LYRM1: variants seen among roughly 807,000 people sequenced by gnomAD.
The protein encoded by LYRM1 is LYR motif containing 1.
In LYRM1, 14 loss-of-function variants were observed where a neutral mutation model predicts 14.9. The ratio of observed to expected loss-of-function variants is 0.94; its 90% CI spans 0.62 to 1.47. The LOEUF is 1.47. Among genes scored for constraint, LYRM1 ranks in the 40% most tolerant of loss-of-function variants. LYRM1 has a pLI of 0.00. For missense variants in LYRM1, 153 were observed against 149.9 expected (o/e 1.02, Z -0.11); for synonymous variants, 43 against 56.2 (o/e 0.77, Z 1.05).
rs1049669631 is a variant in LYRM1, at chr16:20,924,463, A to G, written c.*347A>G. On this transcript the variant is annotated 3_prime_UTR_variant, in exon 4 of 4. Coordinates refer to ENST00000567954, the MANE Select transcript of LYRM1 (RefSeq NM_001128302.3). ...GCTGATGCAAAGAAATTTGCCAGTC[A>G]CTGGAAGTTACTGTGGCTACTATAA... The G allele has an allele frequency of 5.8e-6, 1 of 170,990 alleles. No homozygotes were observed. Among genetic ancestry groups the G allele is most frequent in the Non-Finnish European group, 1.3e-5 (1 of 79,738 alleles). 10.6% of individuals were successfully genotyped at this position (170,990 alleles called of 1,614,324 possible).
intron 3 of LYRM1, 45 bp downstream of exon 3, chr16:20,920,259 C>A: frequency 7.3e-7 from 1 of 1,363,538 alleles, no homozygotes; most frequent in Non-Finnish European, 1.1e-6. Flanking sequence ...TTACCCTCAT[C>A]AACCTGGTTA....
intron 1 of LYRM1, chr16:20,902,522 G>A (rs1392390775): frequency 6.6e-6 from 1 of 152,182 alleles, no homozygotes; most frequent in Non-Finnish European, 1.5e-5. Flanking sequence ...CAAAGGAGAC[G>A]ACACAGACAA....
chr16:20,918,251 C>T (rs1335217058), intron 2 of LYRM1, among the ~76,000 whole-genome samples: 2 of 152,162 alleles, frequency 1.3e-5, no homozygotes, highest in Non-Finnish European at 2.9e-5. Flanking sequence ...CACCTGAAGA[C>T]TACTCAAGAG....
At chr16:20,919,479 C>T (rs755835204) in intron 2 of LYRM1, among the ~76,000 whole-genome samples, 1 of 152,168 alleles carries the variant, frequency 6.6e-6, no homozygotes, top group African/African-American at 2.4e-5. Flanking sequence ...TGCCTTTGTC[C>T]TAGCAGTCCT....
At chr16:20,902,357 A>G (rs1029387684) in intron 1 of LYRM1, 6 of 152,270 alleles carry the variant, frequency 3.9e-5, no homozygotes, top group African/African-American at 1.4e-4. Flanking sequence ...AGTTAGATAT[A>G]CAAGTCGGGG....
intron 1 of LYRM1, among the ~76,000 whole-genome samples, chr16:20,913,356 A>G (rs1028291950): frequency 6.9e-6 from 1 of 144,674 alleles, no homozygotes; most frequent in Non-Finnish European, 1.5e-5. Flanking sequence ...ACTGTTGCCC[A>G]GGCTGGAATA....
At chr16:20,918,361 G>C (rs1291315048) in intron 2 of LYRM1, among the ~76,000 whole-genome samples, 1 of 152,176 alleles carries the variant, frequency 6.6e-6, no homozygotes, top group Non-Finnish European at 1.5e-5. Context: ...GATGGTACAT[G>C]AGATTATTTG....
chr16:20,917,710 A>G (rs975614785), intron 2 of LYRM1, among the ~76,000 whole-genome samples: 1 of 152,168 alleles, frequency 6.6e-6, no homozygotes, highest in Non-Finnish European at 1.5e-5. Flanking sequence ...GTGAGCCAAG[A>G]TCATGCCACT....
intron 2 of LYRM1, among the ~76,000 whole-genome samples, chr16:20,919,335 G>C (rs2083068385): frequency 2.0e-5 from 3 of 152,064 alleles, no homozygotes; most frequent in Admixed American, 2.0e-4. Context: ...TCAACATGAG[G>C]GGGGTGTGAA....
At chr16:20,906,369 G>T (rs2082320871) in intron 1 of LYRM1, among the ~76,000 whole-genome samples, 1 of 152,212 alleles carries the variant, frequency 6.6e-6, no homozygotes, top group Non-Finnish European at 1.5e-5. Flanking sequence ...AGAAGACCAT[G>T]ATCTCATTTG....
intron 1 of LYRM1, among the ~76,000 whole-genome samples, chr16:20,911,431 T>C (rs2082586768): frequency 6.6e-6 from 1 of 152,302 alleles, no homozygotes; most frequent in Non-Finnish European, 1.5e-5. Context: ...CCACCTCTTA[T>C]GCCTTTCCCT....
intron 1 of LYRM1, among the ~76,000 whole-genome samples, chr16:20,907,395 C>T (rs2082376756): frequency 6.6e-6 from 1 of 152,140 alleles, no homozygotes; most frequent in East Asian, 1.9e-4. Flanking sequence ...GAGTCTGACT[C>T]TGTTGCCCAG....
At chr16:20,919,250 A>C (rs1187109855) in intron 2 of LYRM1, among the ~76,000 whole-genome samples, 1 of 152,152 alleles carries the variant, frequency 6.6e-6, no homozygotes, top group East Asian at 1.9e-4. Flanking sequence ...AGAGGTGTAG[A>C]TCATTCTCCA....
intron 2 of LYRM1, among the ~76,000 whole-genome samples, chr16:20,918,209 G>C (rs1041948398): frequency 2.0e-5 from 3 of 152,144 alleles, no homozygotes; most frequent in Non-Finnish European, 4.4e-5. Context: ...GGATATCATA[G>C]TACATGCCCA....
In LYRM1 at chr16:20,920,217, A is replaced by G. The variant is rs370153707; in HGVS notation, c.252+3A>G. Reference sequence around the variant, plus strand: ...ACAAGATTCCTTACCCAAGGCCAGTAAGTGTGACTCCGGTTAACAAGTGCT... The same window carrying G: ...ACAAGATTCCTTACCCAAGGCCAGTGAGTGTGACTCCGGTTAACAAGTGCT... On this transcript the variant is annotated splice_donor_region_variant and intron_variant, in intron 3 of 3. Transcript: ENST00000567954. 168 of 1,605,912 alleles carry G rather than the reference A, an allele frequency of 1.0e-4. No homozygotes were observed. Among genetic ancestry groups the G allele is most frequent in the Middle Eastern group, 3.3e-4 (2 of 6,046 alleles).
At chr16:20,923,961 A>ATG in intron 3 of LYRM1, 39 bp from the exon 4 acceptor site, 1 of 1,137,940 alleles carries the variant, frequency 8.8e-7, no homozygotes, top group Non-Finnish European at 1.3e-6. Flanking sequence ...TGCTGCAATG[A>ATG]TGATGAATAT....
intron 1 of LYRM1, among the ~76,000 whole-genome samples, chr16:20,904,872 G>A (rs2082246277): frequency 6.6e-6 from 1 of 152,112 alleles, no homozygotes; most frequent in Non-Finnish European, 1.5e-5. Context: ...GGATAAACAA[G>A]GAGTAAGAGA....
chr16:20,904,984 G>A (rs1329388174), intron 1 of LYRM1, among the ~76,000 whole-genome samples: 2 of 152,052 alleles, frequency 1.3e-5, no homozygotes, highest in East Asian at 1.9e-4. Flanking sequence ...GAAGATAAGC[G>A]GTGCTTCCAA....
rs148224628 is a variant in LYRM1 at position 20,904,691 on chromosome 16, T to TTTTGTGTGTGTGTGTGTGTGTGTGTG, written c.-1+3803_-1+3804insTTGTGTGTGTGTGTGTGTGTGTGTGT. Among the ~76,000 whole-genome samples the TTTTGTGTGTGTGTGTGTGTGTGTGTG allele has an allele frequency of 5.7e-5, 8 of 141,148 alleles. No individual in the cohort carries two copies. The East Asian group carries it at 1.0e-3, about 18-fold the overall frequency. The allele number at this position is 141,148 out of a possible 152,430, so 92.6% of individuals were successfully genotyped here. On this transcript the variant is annotated intron_variant, in intron 1 of 3. Transcript: ENST00000567954. Reference sequence around the variant, plus strand: ...TCTGAAACAGGAAATAAGTCTGTGGTTGTGTGTGTGTGTGTGTGTGTGTGT... The same window carrying TTTTGTGTGTGTGTGTGTGTGTGTGTG: ...TCTGAAACAGGAAATAAGTCTGTGGTTTTGTGTGTGTGTGTGTGTGTGTGTGTGTGTGTGTGTGTGTGTGTGTGTGT...
Sources: gnomAD v4.1 joint callset for allele counts (sites outside exome capture counted in the v4.1 genomes callset) on GRCh38, gnomAD v4.1.1 for gene constraint, MANE v1.5 for transcripts, NCBI Gene and HGNC (gene_info 2026-07-23, HGNC 2026-07-21) for gene names.